Variants in DOCK9 observed in about 807,000 individuals in gnomAD.
DOCK9 encodes the protein dedicator of cytokinesis 9, also known as dedicator of cytokinesis protein 9.
A neutral mutation model predicts 263.3 loss-of-function variants in DOCK9; 89 were observed. The ratio of observed to expected loss-of-function variants is 0.34; its 90% CI spans 0.28 to 0.40. DOCK9 has a LOEUF of 0.40. Ranked by LOEUF, DOCK9 falls within the 10% of genes least tolerant of loss-of-function variation. The pLI is 1.00. For missense variants in DOCK9, 2,140 were observed against 2,603.4 expected (o/e 0.82, Z 3.87); for synonymous variants, 976 against 973.1 (o/e 1.00, Z -0.06).
chr13:98,974,880 G>A (rs956522760), intron 1 of DOCK9, among the ~76,000 whole-genome samples: 7 of 151,482 alleles, frequency 4.6e-5, no homozygotes, highest in African/African-American at 1.7e-4. Context: ...CCTGGCAGAG[G>A]AGAAAAAACA....
intron 2 of DOCK9, chr13:98,950,294 C>A: frequency 1.3e-6 from 1 of 765,654 alleles, no homozygotes; most frequent in Non-Finnish European, 2.2e-6. Flanking sequence ...AGGAATGATT[C>A]CAGTCGCTTA....
chr13:98,923,677 T>G (rs1428055271), intron 4 of DOCK9, among the ~76,000 whole-genome samples: 5 of 152,210 alleles, frequency 3.3e-5, no homozygotes, highest in Non-Finnish European at 5.9e-5. Flanking sequence ...GAATAACTTT[T>G]AATACAAAGT....
chr13:98,915,138 C>T (rs2050679966), intron 8 of DOCK9, among the ~76,000 whole-genome samples, 191 bp downstream of exon 8: 1 of 150,956 alleles, frequency 6.6e-6, no homozygotes, highest in Non-Finnish European at 1.5e-5. Flanking sequence ...ACATGATTTC[C>T]ATATACGAAA....
intron 36 of DOCK9, 149 bp from the exon 37 acceptor site, chr13:98,848,788 G>C: frequency 1.2e-6 from 1 of 838,456 alleles, no homozygotes; most frequent in Non-Finnish European, 1.8e-6. Context: ...TGGTTTTTGG[G>C]AGTCCTCTGG....
intron 43 of DOCK9, among the ~76,000 whole-genome samples, chr13:98,827,183 T>C (rs1328953318): frequency 6.6e-6 from 1 of 152,214 alleles, no homozygotes; most frequent in African/African-American, 2.4e-5. Flanking sequence ...TTCCTCTTAC[T>C]ATACCTAATA....
Position 99,029,999 on chromosome 13 carries a change from T to C in DOCK9, c.129+56224A>G, listed in dbSNP as rs533598367. Among the ~76,000 whole-genome samples the C allele has an allele frequency of 4.0e-4, 61 of 152,322 alleles. No individual in the cohort carries two copies. The South Asian group carries it at 6.2e-3, about 16-fold the overall frequency. On this transcript the variant is annotated intron_variant, in intron 1 of 32. Coordinates refer to the DOCK9 transcript ENST00000427887. The stretch of plus-strand genomic sequence containing the variant: ...TACTGATACATGCTACAAGCACAGA[T>C]ACATCTCAAAAGGGACCAGATGCAA...
At chr13:98,920,347 C>G (rs548301459) in intron 7 of DOCK9, among the ~76,000 whole-genome samples, 12 of 152,152 alleles carry the variant, frequency 7.9e-5, no homozygotes, top group Non-Finnish European at 1.6e-4. Flanking sequence ...AAATGCTTAC[C>G]ATTTGTTGGC....
rs530115702 is a variant in DOCK9 at position 98,892,246 on chromosome 13, T to C, written c.1710-3535A>G. Among the ~76,000 whole-genome samples the C allele has an allele frequency of 3.3e-5, 5 of 152,250 alleles. No individual in the cohort carries two copies. In the East Asian group the frequency reaches 7.7e-4, roughly 24 times the overall value. On this transcript the variant is annotated intron_variant, in intron 15 of 52. Transcript: ENST00000682017. ...TTTTCCCTTCCCACTGCCCATCCAT[T>C]TCTGCTGACTCAACAATTCCCACAG...
At chr13:99,063,104 C>G (rs147693659) in intron 1 of DOCK9, among the ~76,000 whole-genome samples, 2 of 152,322 alleles carry the variant, frequency 1.3e-5, no homozygotes, top group African/African-American at 4.8e-5. Flanking sequence ...AAGAATCACT[C>G]TCTATGTCAG....
intron 9 of DOCK9, among the ~76,000 whole-genome samples, chr13:98,906,461 T>C (rs1021261029): frequency 2.0e-5 from 3 of 152,194 alleles, no homozygotes; most frequent in African/African-American, 7.2e-5. Flanking sequence ...TCTAAGTCTA[T>C]ATTCTGTTCT....
chr13:98,930,839 T>C (rs1046465536), intron 2 of DOCK9, among the ~76,000 whole-genome samples: 5 of 152,192 alleles, frequency 3.3e-5, no homozygotes, highest in Admixed American at 2.6e-4. Flanking sequence ...AGACGGGGTT[T>C]CTCCATGTTG....
intron 26 of DOCK9, 133 bp downstream of exon 26, chr13:98,880,414 C>A: frequency 8.6e-7 from 1 of 1,160,502 alleles, no homozygotes; most frequent in Non-Finnish European, 1.2e-6. Context: ...AAGTTGGTAT[C>A]AGAGAACACT....
At chr13:98,836,053 A>G (rs1374944447) in intron 39 of DOCK9, among the ~76,000 whole-genome samples, 4 of 152,122 alleles carry the variant, frequency 2.6e-5, no homozygotes, top group Non-Finnish European at 5.9e-5. Flanking sequence ...TTTACTATTA[A>G]GCAAGCAACT....
chr13:98,961,229 G>T (rs1413738679), intron 1 of DOCK9, among the ~76,000 whole-genome samples: 3 of 152,190 alleles, frequency 2.0e-5, no homozygotes, highest in African/African-American at 7.2e-5. Flanking sequence ...GTGGGCAAAA[G>T]TTTGAACTCC....
intron 1 of DOCK9, among the ~76,000 whole-genome samples, chr13:98,991,808 C>T (rs1879875811): frequency 6.6e-6 from 1 of 151,928 alleles, no homozygotes; most frequent in Non-Finnish European, 1.5e-5. Flanking sequence ...TAGGCTGAAA[C>T]TACGTCACTA....
intron 39 of DOCK9, chr13:98,834,584 C>T (rs148020140): frequency 1.1e-4 from 17 of 152,310 alleles, no homozygotes; most frequent in African/African-American, 4.1e-4. Flanking sequence ...GCTAAAAACA[C>T]ATTTCCAGAT....
intron 3 of DOCK9, among the ~76,000 whole-genome samples, chr13:98,926,316 A>G (rs1213571003): frequency 6.6e-6 from 1 of 152,206 alleles, no homozygotes; most frequent in Non-Finnish European, 1.5e-5. Context: ...CCTTCATGGT[A>G]TTTACTAATA....
At position 99,055,515 on chromosome 13, in the gene DOCK9, G is replaced by T. The variant is rs9517574; in HGVS notation, c.129+30708C>A. On this transcript the variant is annotated intron_variant, in intron 1 of 32. Transcript: ENST00000427887. ...CTTAACTGTGGAGGGGACCGCAATG[G>T]GAGAAATTAGAAGAGAGGAGCAGCC... Among the ~76,000 whole-genome samples the T allele has an allele frequency of 7.2e-5, 11 of 151,938 alleles. No homozygotes were observed. In the East Asian group the frequency reaches 1.9e-3, roughly 27 times the overall value.
intron 20 of DOCK9, chr13:98,885,351 C>A: frequency 3.7e-6 from 2 of 544,408 alleles, no homozygotes; most frequent in Non-Finnish European, 6.4e-6. Flanking sequence ...CACCTGTAAT[C>A]CCAGCATTTT....
Sources: gnomAD v4.1 joint callset for allele counts (sites outside exome capture counted in the v4.1 genomes callset) on GRCh38, gnomAD v4.1.1 for gene constraint, MANE v1.5 for transcripts, NCBI Gene and HGNC (gene_info 2026-07-23, HGNC 2026-07-21) for gene names.